The following GALNT10 variants were observed in gnomAD, a reference collection of about 807,000 sequenced individuals.
GALNT10 encodes polypeptide N-acetylgalactosaminyltransferase 10.
Under a neutral mutation model 75.0 loss-of-function variants are expected in GALNT10, and 41 were observed. The observed-to-expected ratio is 0.55, with a 90% CI of 0.43 to 0.71. The LOEUF (loss-of-function observed/expected upper bound fraction) is 0.71. GALNT10 is among the 30% of genes least tolerant of loss of function. The pLI is 0.00. For missense variants in GALNT10, 727 were observed against 818.5 expected, an observed-to-expected ratio of 0.89 and a Z score of 1.36; for synonymous variants, 302 against 313.0, an observed-to-expected ratio of 0.96 and a Z score of 0.37.
intron 1 of GALNT10, chr5:154,218,178 G>A (rs1309952729): frequency 1.0e-6 from 1 of 977,338 alleles, no homozygotes; most frequent in East Asian, 1.1e-4. Flanking sequence ...AACAAGCCTG[G>A]GGCACCTCCT....
intron 6 of GALNT10, among the ~76,000 whole-genome samples, chr5:154,381,878 T>C (rs1159163051): frequency 6.6e-6 from 1 of 152,248 alleles, no homozygotes; most frequent in East Asian, 1.9e-4. Context: ...TTATAAGCCC[T>C]GTGATTACAT....
chr5:154,338,157 A>G, intron 4 of GALNT10: 1 of 818,018 alleles, frequency 1.2e-6, no homozygotes, highest in Non-Finnish European at 2.1e-6. Context: ...TCGCCTCTTG[A>G]GACAGCTCTC....
At position 154,257,082 on chromosome 5, in the gene GALNT10, T is replaced by A. The variant is rs140771373; in HGVS notation, c.160-37734T>A. On this transcript the variant is annotated intron_variant, in intron 1 of 11. Coordinates refer to ENST00000297107, the MANE Select transcript of GALNT10 (RefSeq NM_198321.4). ...TTGAAGCCAGGAGTTTGAGACCAGT[T>A]GGGGCACCATAGCAAGACCCCGTCT... Among the ~76,000 whole-genome samples the A allele has an allele frequency of 1.2e-3, 187 of 151,986 alleles. 5 individuals are homozygous for A. The East Asian group carries it at 0.033, about 27-fold the overall frequency.
At position 154,291,902 on chromosome 5, in the gene GALNT10, C is replaced by T. The variant is rs139991414; in HGVS notation, c.160-2914C>T. Reference sequence around the variant, plus strand: ...TAGGGACTGTGGCAAACTGGGGAGACGTGCCCCATCCACACAGCCCAGCTG... The same window carrying T: ...TAGGGACTGTGGCAAACTGGGGAGATGTGCCCCATCCACACAGCCCAGCTG... On this transcript the variant is annotated intron_variant, in intron 1 of 11. Coordinates refer to ENST00000297107, the MANE Select transcript of GALNT10 (RefSeq NM_198321.4). Among the ~76,000 whole-genome samples the T allele has an allele frequency of 5.3e-3, 813 of 152,272 alleles. 3 individuals carry two copies. Among genetic ancestry groups the T allele is most frequent in the Admixed American group, 9.2e-3 (140 of 15,300 alleles).
intron 7 of GALNT10, among the ~76,000 whole-genome samples, chr5:154,390,336 T>C (rs1487009917): frequency 1.3e-5 from 2 of 152,218 alleles, no homozygotes; most frequent in Non-Finnish European, 2.9e-5. Flanking sequence ...CTTTCTCTAC[T>C]CATAAAATAA....
intron 3 of GALNT10, among the ~76,000 whole-genome samples, chr5:154,327,037 G>A (rs1754765730): frequency 6.6e-6 from 1 of 151,970 alleles, no homozygotes; most frequent in Non-Finnish European, 1.5e-5. Context: ...GCAACTTGGT[G>A]AAACCTTGTC....
At chr5:154,309,516 G>A (rs1754481779) in intron 3 of GALNT10, among the ~76,000 whole-genome samples, 1 of 152,214 alleles carries the variant, frequency 6.6e-6, no homozygotes, top group Non-Finnish European at 1.5e-5. Flanking sequence ...TTAACAGCAA[G>A]GCAGGGGAGC....
At chr5:154,411,086 G>A (rs1756389171) in intron 9 of GALNT10, among the ~76,000 whole-genome samples, 1 of 152,188 alleles carries the variant, frequency 6.6e-6, no homozygotes, top group Non-Finnish European at 1.5e-5. Flanking sequence ...TTGATGGATA[G>A]GTTGGAGCTT....
chr5:154,207,227 T>C (rs903034483), intron 1 of GALNT10, among the ~76,000 whole-genome samples: 12 of 152,104 alleles, frequency 7.9e-5, no homozygotes, highest in South Asian at 4.1e-4. Context: ...AAATGACATA[T>C]TGAAGGAAGA....
In GALNT10 at chr5:154,385,052, C is replaced by G. The variant is rs76009903; in HGVS notation, c.939-1261C>G. Among the ~76,000 whole-genome samples the G allele has an allele frequency of 4.3e-3, 661 of 152,348 alleles. 6 individuals carry two copies. Among genetic ancestry groups the G allele is most frequent in the African/African-American group, 0.015 (633 of 41,574 alleles). ...CATCTGCTACTGGAAGGAGGAGCTG[C>G]TTGGGCAGCTTTTGGGTTGACTAAG... On this transcript the variant is annotated intron_variant, in intron 6 of 11. Coordinates refer to ENST00000297107, the MANE Select transcript of GALNT10 (RefSeq NM_198321.4).
At chr5:154,250,218 C>T (rs868651244) in intron 1 of GALNT10, among the ~76,000 whole-genome samples, 9 of 152,168 alleles carry the variant, frequency 5.9e-5, no homozygotes, top group Non-Finnish European at 8.8e-5. Flanking sequence ...ACTGATAAGT[C>T]AGTCCTTTGG....
intron 5 of GALNT10, among the ~76,000 whole-genome samples, chr5:154,378,832 G>A (rs1309441262): frequency 6.6e-6 from 1 of 152,238 alleles, no homozygotes; most frequent in Non-Finnish European, 1.5e-5. Context: ...TCAGCCAGCA[G>A]CCAGCAGGGC....
intron 1 of GALNT10, among the ~76,000 whole-genome samples, chr5:154,267,272 A>C (rs1753792631): frequency 6.6e-6 from 1 of 152,236 alleles, no homozygotes; most frequent in Non-Finnish European, 1.5e-5. Context: ...AGCTTCCCAG[A>C]TGCTCCTGCT....
At chr5:154,238,281 T>C (rs1581933168) in intron 1 of GALNT10, among the ~76,000 whole-genome samples, 1 of 134,280 alleles carries the variant, frequency 7.4e-6, no homozygotes, top group Non-Finnish European at 1.6e-5. Flanking sequence ...CCTTCAACCA[T>C]AAAGTTTTAA....
intron 1 of GALNT10, 71 bp from the exon 2 acceptor site, chr5:154,294,745 C>A: frequency 1.2e-6 from 1 of 802,542 alleles, no homozygotes; most frequent in Non-Finnish European, 2.2e-6. Flanking sequence ...CTCCCTTAGG[C>A]AGTGTAACTC....
At chr5:154,269,620 C>T (rs918948345) in intron 1 of GALNT10, among the ~76,000 whole-genome samples, 5 of 152,230 alleles carry the variant, frequency 3.3e-5, no homozygotes, top group Non-Finnish European at 7.3e-5. Context: ...GGCCAGTGGA[C>T]TTGGCAGGCC....
intron 4 of GALNT10, 170 bp downstream of exon 4, chr5:154,329,908 G>T: frequency 3.3e-6 from 1 of 306,516 alleles, no homozygotes; most frequent in Non-Finnish European, 6.1e-6. Flanking sequence ...CACAACTCAT[G>T]AAGTGACTGC....
chr5:154,253,287 C>T (rs1423321955), intron 1 of GALNT10, among the ~76,000 whole-genome samples: 2 of 149,098 alleles, frequency 1.3e-5, no homozygotes, highest in African/African-American at 5.0e-5. Context: ...CAAATTATCG[C>T]GAGGACAAAA....
intron 1 of GALNT10, among the ~76,000 whole-genome samples, chr5:154,264,170 A>G (rs1581945633): frequency 6.6e-6 from 1 of 152,126 alleles, no homozygotes; most frequent in East Asian, 1.9e-4. Context: ...AAAATTAGCC[A>G]GACGCAGTGG....
Sources: allele counts gnomAD v4.1 joint callset (sites outside exome capture counted in the v4.1 genomes callset), GRCh38; gene constraint gnomAD v4.1.1; transcripts MANE v1.5; gene names NCBI Gene and HGNC (gene_info 2026-07-23, HGNC 2026-07-21).